The following KCNAB1 variants were observed in gnomAD, a reference collection of about 807,000 sequenced individuals.
KCNAB1 encodes the protein voltage-gated potassium channel subunit beta-1.
In KCNAB1, 35 loss-of-function variants were observed where a neutral mutation model predicts 64.6. That is an observed-to-expected ratio of 0.54 (90% CI 0.41 to 0.72). The LOEUF is 0.72. Among genes scored for constraint, KCNAB1 ranks in the 30% least tolerant of loss-of-function variants. KCNAB1 has a pLI of 0.00. For missense variants in KCNAB1, 401 were observed against 512.9 expected (o/e 0.78, Z 2.11); for synonymous variants, 177 against 183.8 (o/e 0.96, Z 0.30).
At chr3:156,323,703 C>A (rs1389670762) in intron 1 of KCNAB1, among the ~76,000 whole-genome samples, 3 of 152,160 alleles carry the variant, frequency 2.0e-5, no homozygotes, top group Non-Finnish European at 4.4e-5. Flanking sequence ...AGGAACATGG[C>A]ATGTGGCAAC....
At chr3:156,159,588 T>A (rs1715954545) in intron 1 of KCNAB1, among the ~76,000 whole-genome samples, 1 of 152,220 alleles carries the variant, frequency 6.6e-6, no homozygotes, top group South Asian at 2.1e-4. Flanking sequence ...TGCATTTGAT[T>A]ATGGCAGTGC....
At chr3:156,468,301 T>C (rs1713584235) in intron 7 of KCNAB1, among the ~76,000 whole-genome samples, 1 of 152,190 alleles carries the variant, frequency 6.6e-6, no homozygotes, top group Non-Finnish European at 1.5e-5. Flanking sequence ...TCAGAATGTA[T>C]ATATATGTAT....
chr3:156,130,519 T>A (rs1713934333), intron 1 of KCNAB1, among the ~76,000 whole-genome samples: 1 of 152,234 alleles, frequency 6.6e-6, no homozygotes, highest in Non-Finnish European at 1.5e-5. Context: ...TGATCTTCAC[T>A]TTGTGGAAGG....
At chr3:156,213,942 G>A (rs1434120529) in intron 1 of KCNAB1, among the ~76,000 whole-genome samples, 1 of 152,120 alleles carries the variant, frequency 6.6e-6, no homozygotes, top group African/African-American at 2.4e-5. Flanking sequence ...ACCAGGGAGG[G>A]GAGAGGGGCT....
chr3:156,450,808 A>T (rs1162560494), intron 2 of KCNAB1, among the ~76,000 whole-genome samples: 1 of 151,992 alleles, frequency 6.6e-6, no homozygotes, highest in Non-Finnish European at 1.5e-5. Context: ...TGGTGCCTTA[A>T]GATGTAATTT....
rs1719145699 is a variant in KCNAB1 at position 156,537,597 on chromosome 3, A to AATG, written c.*851_*853dup. On this transcript the variant is annotated 3_prime_UTR_variant, in exon 14 of 14. Coordinates refer to ENST00000490337, the MANE Select transcript of KCNAB1 (RefSeq NM_172160.3). ...GGAAACTTAGCTTCAAAGAAAATGCAATGTATCTGCAATTAGGTGTTCATT... is the reference window on the plus strand; with the variant it reads ...GGAAACTTAGCTTCAAAGAAAATGCAATGATGTATCTGCAATTAGGTGTTCATT... The AATG allele has an allele frequency of 6.5e-6, 1 of 152,714 alleles. No individual in the cohort carries two copies. The highest frequency in any genetic ancestry group is 1.5e-5 in the Non-Finnish European group (1 of 68,056). 9.5% of individuals were successfully genotyped at this position (152,714 alleles called of 1,614,324 possible).
chr3:156,267,323 T>C (rs1193831851), intron 1 of KCNAB1, among the ~76,000 whole-genome samples: 1 of 152,164 alleles, frequency 6.6e-6, no homozygotes, highest in Non-Finnish European at 1.5e-5. Flanking sequence ...TGACTCTAGT[T>C]ATCTCCTCCT....
chr3:156,391,654 A>G (rs947798501), intron 1 of KCNAB1, among the ~76,000 whole-genome samples: 2 of 152,222 alleles, frequency 1.3e-5, no homozygotes, highest in Admixed American at 6.5e-5. Context: ...AGCATAGCCT[A>G]TTACCTATGG....
At chr3:156,346,315 T>C (rs1473457959) in intron 1 of KCNAB1, among the ~76,000 whole-genome samples, 1 of 152,120 alleles carries the variant, frequency 6.6e-6, no homozygotes, top group Non-Finnish European at 1.5e-5. Flanking sequence ...ATGTATGAAG[T>C]ACTGATGTAT....
chr3:156,378,762 A>G (rs902093232), intron 1 of KCNAB1, among the ~76,000 whole-genome samples: 1 of 152,032 alleles, frequency 6.6e-6, no homozygotes, highest in Admixed American at 6.5e-5. Context: ...TACTCCAAAC[A>G]TGTTTATTGG....
chr3:156,505,006 CT>C (rs1716738033), intron 8 of KCNAB1, among the ~76,000 whole-genome samples: 2 of 152,060 alleles, frequency 1.3e-5, no homozygotes, highest in African/African-American at 4.8e-5. Flanking sequence ...AGCATTTCCC[CT>C]GTTTTCTTCT....
chr3:156,170,221 G>GTT (rs527980009), intron 1 of KCNAB1, among the ~76,000 whole-genome samples: 26 of 130,606 alleles, frequency 2.0e-4, no homozygotes, highest in Admixed American at 1.6e-4. Flanking sequence ...CCAAGGAATC[G>GTT]TTTTTTTTTT....
intron 1 of KCNAB1, among the ~76,000 whole-genome samples, chr3:156,260,617 C>T (rs752321465): frequency 2.0e-5 from 3 of 152,146 alleles, no homozygotes; most frequent in African/African-American, 7.2e-5. Flanking sequence ...TCCTTTTAAT[C>T]CTGAATAGAG....
chr3:156,461,534 G>C (rs1712910755), intron 5 of KCNAB1, among the ~76,000 whole-genome samples: 1 of 152,144 alleles, frequency 6.6e-6, no homozygotes. Context: ...GGTTCTGTGG[G>C]TTAGGACTTT....
chr3:156,217,396 A>G (rs1432543014), intron 1 of KCNAB1, among the ~76,000 whole-genome samples: 1 of 152,246 alleles, frequency 6.6e-6, no homozygotes, highest in African/African-American at 2.4e-5. Context: ...GAGACATGCA[A>G]TCAGGAAACT....
chr3:156,517,469 T>C (rs1717636691), intron 11 of KCNAB1, among the ~76,000 whole-genome samples: 2 of 152,212 alleles, frequency 1.3e-5, no homozygotes, highest in African/African-American at 4.8e-5. Context: ...AGGTCTTGCT[T>C]CTGAAAATTA....
At chr3:156,386,739 C>T (rs1712623791) in intron 1 of KCNAB1, among the ~76,000 whole-genome samples, 2 of 152,182 alleles carry the variant, frequency 1.3e-5, no homozygotes, top group South Asian at 4.1e-4. Context: ...AAAGTCACCT[C>T]ACCTCATCTC....
chr3:156,519,865 A>G (rs1308073618), intron 11 of KCNAB1, among the ~76,000 whole-genome samples: 6 of 152,204 alleles, frequency 3.9e-5, no homozygotes, highest in Non-Finnish European at 1.5e-5. Context: ...AGATGACTGG[A>G]CAAGCTTAGG....
chr3:156,306,065 A>G lies in KCNAB1; in HGVS notation c.276-115551A>G, dbSNP rs941569640. Among the ~76,000 whole-genome samples, 4 of 152,366 alleles carry G rather than the reference A, an allele frequency of 2.6e-5. No individual in the cohort carries two copies. The South Asian group carries it at 6.2e-4, about 24-fold the overall frequency. ...TAAAGTAGTGAACAGATCAAGTAAC[A>G]AAAAGAGAATATCTGCGTGGAAGCT... On this transcript the variant is annotated intron_variant, in intron 1 of 13. Coordinates refer to ENST00000490337, the MANE Select transcript of KCNAB1 (RefSeq NM_172160.3).
Sources: gnomAD v4.1 joint callset for allele counts (sites outside exome capture counted in the v4.1 genomes callset) on GRCh38, gnomAD v4.1.1 for gene constraint, MANE v1.5 for transcripts, NCBI Gene and HGNC (gene_info 2026-07-23, HGNC 2026-07-21) for gene names.